The following TEK variants were observed in gnomAD, a reference collection of about 807,000 sequenced individuals.
TEK encodes the protein angiopoietin-1 receptor.
In TEK, 43 loss-of-function variants were observed where a neutral mutation model predicts 131.8. The observed-to-expected ratio is 0.33, with a 90% CI of 0.26 to 0.42. TEK has a LOEUF of 0.42. Ranked by LOEUF, TEK falls within the 10% of genes least tolerant of loss-of-function variation. The pLI, the probability that TEK is intolerant of heterozygous loss-of-function variation, is 1.00. For synonymous variants in TEK, 580 were observed against 491.6 expected, an observed-to-expected ratio of 1.18 and a Z score of -2.38; for missense variants, 1,162 against 1,384.4, an observed-to-expected ratio of 0.84 and a Z score of 2.55.
intron 6 of TEK, among the ~76,000 whole-genome samples, chr9:27,174,049 TCTA>T (rs1202139142): frequency 6.6e-6 from 1 of 152,162 alleles, no homozygotes; most frequent in Admixed American, 6.6e-5. Flanking sequence ...ACTAACATCA[TCTA>T]CTCAGAGTCC....
chr9:27,114,070 T>C (rs528584414), intron 1 of TEK, among the ~76,000 whole-genome samples: 1 of 152,364 alleles, frequency 6.6e-6, no homozygotes, highest in South Asian at 2.1e-4. Context: ...TCTTTGAGCT[T>C]TGGGCAGCCA....
chr9:27,136,558 C>G (rs1232578547), intron 1 of TEK, among the ~76,000 whole-genome samples: 1 of 152,172 alleles, frequency 6.6e-6, no homozygotes, highest in Non-Finnish European at 1.5e-5. Context: ...GACAGACACA[C>G]AGGTACAGAT....
intron 4 of TEK, among the ~76,000 whole-genome samples, chr9:27,169,886 A>T (rs571163547): frequency 2.6e-4 from 39 of 152,370 alleles, no homozygotes; most frequent in African/African-American, 8.7e-4. Flanking sequence ...CAGCTGGGGA[A>T]AACTCAGGGC....
At chr9:27,129,887 G>C (rs1822144589) in intron 1 of TEK, among the ~76,000 whole-genome samples, 1 of 152,154 alleles carries the variant, frequency 6.6e-6, no homozygotes, top group Non-Finnish European at 1.5e-5. Context: ...TGGGGAAAGA[G>C]ATATTGTATA....
intron 21 of TEK, among the ~76,000 whole-genome samples, chr9:27,220,529 G>T (rs1197787923): frequency 6.6e-6 from 1 of 152,180 alleles, no homozygotes; most frequent in Non-Finnish European, 1.5e-5. Context: ...GGCTGAATAG[G>T]AACAGCTCCA....
chr9:27,109,285 T>C lies in TEK; in HGVS notation c.-306T>C, dbSNP rs1456184232. 9.3e-6 allele frequency: 5 copies of C among 537,584 alleles called. No individual in the cohort carries two copies. The highest frequency in any genetic ancestry group is 1.6e-5 in the Non-Finnish European group (5 of 307,706). The allele number at this position is 537,584 out of a possible 1,614,324, so 33.3% of individuals were successfully genotyped here. Reference sequence around the variant, plus strand: ...AAGCAACAGCAACAGATAAGTGTTTTGATGAATTGCGAGATGGATAGGGCT... The same window carrying C: ...AAGCAACAGCAACAGATAAGTGTTTCGATGAATTGCGAGATGGATAGGGCT... On this transcript the variant is annotated 5_prime_UTR_variant, in exon 1 of 23. Transcript: ENST00000380036.
At chr9:27,227,532 G>A (rs373598544) in intron 21 of TEK, among the ~76,000 whole-genome samples, 15 of 152,274 alleles carry the variant, frequency 9.9e-5, no homozygotes, top group African/African-American at 2.2e-4. Context: ...AGATCAAAGC[G>A]CTAGCAGATT....
intron 8 of TEK, 44 bp from the exon 9 acceptor site, chr9:27,185,441 T>C (rs1170319675): frequency 1.9e-6 from 3 of 1,612,588 alleles, no homozygotes; most frequent in African/African-American, 2.7e-5. Context: ...TTTGCGTTTA[T>C]GCCTCCCTAG....
At chr9:27,211,241 A>G (rs926499887) in intron 16 of TEK, among the ~76,000 whole-genome samples, 1 of 149,002 alleles carries the variant, frequency 6.7e-6, no homozygotes, top group Non-Finnish European at 1.5e-5. Context: ...GTGCATATAT[A>G]TGTATTTAAG....
chr9:27,181,151 AT>A (rs974436999), intron 7 of TEK, among the ~76,000 whole-genome samples: 3 of 152,134 alleles, frequency 2.0e-5, no homozygotes, highest in African/African-American at 7.2e-5. Flanking sequence ...TCTACATATA[AT>A]TTTTGACTCT....
intron 1 of TEK, among the ~76,000 whole-genome samples, chr9:27,118,140 ATCCCTGTG>A (rs574986839): frequency 3.3e-4 from 51 of 152,288 alleles, no homozygotes; most frequent in African/African-American, 1.2e-3. Flanking sequence ...TCAAATTCTG[ATCCCTGTG>A]TCAGAAACAA....
chr9:27,202,956 C>T lies in TEK; in HGVS notation c.2046C>T (p.Asp682=). The T allele has an allele frequency of 6.2e-7, 1 of 1,614,092 alleles. No homozygotes were observed. The highest frequency in any genetic ancestry group is 1.1e-5 in the South Asian group (1 of 91,080). The change falls in exon 13 of 23, where the codon GAC becomes GAT. Residue 682 remains aspartate, a synonymous_variant. Transcript: ENST00000380036. ...ACAAGGTTCAAGGCAAGAATGAAGACCAGCACGTTGATGTGAAGATAAAGA... is the reference window on the plus strand; with the variant it reads ...ACAAGGTTCAAGGCAAGAATGAAGATCAGCACGTTGATGTGAAGATAAAGA... ...IRYKVQGKNE[D]QHVDVKIKNA...
chr9:27,141,892 G>C (rs562464243), intron 1 of TEK, among the ~76,000 whole-genome samples: 1 of 152,310 alleles, frequency 6.6e-6, no homozygotes, highest in East Asian at 1.9e-4. Flanking sequence ...AGTTATAACA[G>C]TCTGCACATT....
At chr9:27,160,827 T>C (rs971445401) in intron 2 of TEK, among the ~76,000 whole-genome samples, 2 of 152,136 alleles carry the variant, frequency 1.3e-5, no homozygotes, top group African/African-American at 2.4e-5. Flanking sequence ...CAGCTCTCCG[T>C]TGAGGGAAGA....
At position 27,182,972 on chromosome 9, in the gene TEK, A is replaced by C. The variant is rs562491951; in HGVS notation, c.1031-487A>C. Among the ~76,000 whole-genome samples the C allele has an allele frequency of 1.2e-3, 190 of 152,328 alleles. 1 individual carries two copies. The highest frequency in any genetic ancestry group is 4.5e-3 in the African/African-American group (186 of 41,586). ...TCTGCTATTTGCAGACTTCCCAATG[A>C]ATGAGACATCTCTCGTATATCTAAA... is the stretch of plus-strand genomic sequence containing the variant. On this transcript the variant is annotated intron_variant, in intron 7 of 22. Coordinates refer to ENST00000380036, the MANE Select transcript of TEK (RefSeq NM_000459.5).
intron 1 of TEK, among the ~76,000 whole-genome samples, chr9:27,140,241 C>CGG (rs1822672672): frequency 3.9e-5 from 6 of 152,022 alleles, no homozygotes; most frequent in Non-Finnish European, 7.4e-5. Flanking sequence ...ATATGCCCCA[C>CGG]ACTGAGCTTA....
chr9:27,212,973 G>C, intron 17 of TEK, 76 bp downstream of exon 17: 2 of 1,490,234 alleles, frequency 1.3e-6, no homozygotes, highest in Non-Finnish European at 1.8e-6. Flanking sequence ...ATGTTTGTAG[G>C]GTCTGTCAAC....
At chr9:27,225,992 A>G (rs371150032) in intron 21 of TEK, among the ~76,000 whole-genome samples, 101 of 152,344 alleles carry the variant, frequency 6.6e-4, no homozygotes, top group African/African-American at 2.3e-3. Context: ...GCTCATCATC[A>G]CTGGTCATTA....
intron 21 of TEK, among the ~76,000 whole-genome samples, chr9:27,221,448 G>A (rs1826075101): frequency 7.1e-6 from 1 of 140,370 alleles, no homozygotes; most frequent in African/African-American, 2.5e-5. Flanking sequence ...TCCTCATGTG[G>A]GTCCCTGACC....
Sources: gnomAD v4.1 joint callset for allele counts (sites outside exome capture counted in the v4.1 genomes callset) on GRCh38, gnomAD v4.1.1 for gene constraint, MANE v1.5 for transcripts, NCBI Gene and HGNC (gene_info 2026-07-23, HGNC 2026-07-21) for gene names.